Variants in BMS1 observed in about 807,000 individuals in gnomAD.
BMS1 encodes the protein ribosome biogenesis protein BMS1 homolog.
Under a neutral mutation model 138.7 loss-of-function variants are expected in BMS1, and 53 were observed. The ratio of observed to expected loss-of-function variants is 0.38; its 90% confidence interval spans 0.31 to 0.48. BMS1 has a LOEUF of 0.48. Ranked by LOEUF, BMS1 falls within the 20% of genes least tolerant of loss-of-function variation. The pLI, the probability that BMS1 is intolerant of heterozygous loss-of-function variation, is 0.97. For missense variants in BMS1, 1,360 were observed against 1,565.5 expected (o/e 0.87, Z 2.22); for synonymous variants, 504 against 539.9 (o/e 0.93, Z 0.92).
chr10:42,783,562 T>C (rs1217283428), intron 1 of BMS1, among the ~76,000 whole-genome samples: 1 of 141,604 alleles, frequency 7.1e-6, no homozygotes, highest in Non-Finnish European at 1.5e-5. Flanking sequence ...CCTGCTCCGC[T>C]TTTTTTTTTT....
Position 42,831,865 on chromosome 10 carries a change from TTA to T in BMS1, c.*771_*772del, listed in dbSNP as rs916561934. 5.3e-5 allele frequency: 8 copies of T among 152,170 alleles called. No individual in the cohort carries two copies. Among genetic ancestry groups the T allele is most frequent in the African/African-American group, 1.9e-4 (8 of 41,428 alleles). 9.4% of individuals were successfully genotyped at this position (152,170 alleles called of 1,614,324 possible). On this transcript the variant is annotated 3_prime_UTR_variant, in exon 23 of 23. Coordinates refer to ENST00000374518, the MANE Select transcript of BMS1 (RefSeq NM_014753.4). ...ACATTGCCTTTTTTTAAATTAAACA[TTA>T]TGTTGAAGTAATCATACTATTACAT...
chr10:42,793,245 G>A (rs781280516), intron 8 of BMS1, 101 bp downstream of exon 8: 23 of 1,251,830 alleles, frequency 1.8e-5, no homozygotes, highest in Admixed American at 2.6e-5. Context: ...ATTTATTGAA[G>A]ATTTTTCTCT....
Position 42,785,603 on chromosome 10 carries a change from C to A in BMS1, c.298C>A (p.Gln100Lys). The A allele has an allele frequency of 6.2e-7, 1 of 1,613,928 alleles. No individual in the cohort carries two copies. Residue 100 changes from glutamine to lysine, a missense_variant, in exon 3 of 23, where the codon CAA (glutamine) becomes AAA (lysine). Around this residue, in one of 3 missense-constraint regions of BMS1, gnomAD observed 238 missense variants for 311.1 expected, o/e 0.77. Coordinates refer to ENST00000374518, the MANE Select transcript of BMS1 (RefSeq NM_014753.4). ...AAAAGTTGGAAAGAGCACTTTGATA[C>A]AATGCCTCATTCGGAACTTTACCCG... The part of the protein sequence containing the change: ...PPKVGKSTLI[Q>K]CLIRNFTRQK...
rs539072624 is a variant in BMS1 at position 42,833,587 on chromosome 10, A to G, written c.*2491A>G. ...GTAACACAGTGGTAAACATTTGTGTATCGAAACATAGAAAAGGCGTAGCAA... is the reference window on the plus strand; with the variant it reads ...GTAACACAGTGGTAAACATTTGTGTGTCGAAACATAGAAAAGGCGTAGCAA... On this transcript the variant is annotated 3_prime_UTR_variant, in exon 23 of 23. Coordinates refer to ENST00000374518, the MANE Select transcript of BMS1 (RefSeq NM_014753.4). The G allele has an allele frequency of 6.6e-6, 1 of 152,262 alleles. No individual in the cohort carries two copies. The highest frequency in any genetic ancestry group is 1.5e-5 in the Non-Finnish European group (1 of 68,054). The allele number at this position is 152,262 out of a possible 1,614,324, so 9.4% of individuals were successfully genotyped here.
Position 42,818,437 on chromosome 10 carries a change from C to T in BMS1, c.2580+943C>T, listed in dbSNP as rs192763790. ...CAGATCACTCTGCCAAGAGATCAGT[C>T]GGGTGGCACAAACCAGAAGGCTGGC... On this transcript the variant is annotated intron_variant, in intron 15 of 22. Coordinates refer to ENST00000374518, the MANE Select transcript of BMS1 (RefSeq NM_014753.4). Among the ~76,000 whole-genome samples the T allele has an allele frequency of 3.5e-3, 533 of 152,220 alleles. 4 individuals are homozygous for T. The highest frequency in any genetic ancestry group is 9.7e-3 in the South Asian group (47 of 4,826).
At chr10:42,815,216 G>A (rs1431696467) in intron 13 of BMS1, among the ~76,000 whole-genome samples, 2 of 152,190 alleles carry the variant, frequency 1.3e-5, no homozygotes, top group Admixed American at 6.5e-5. Flanking sequence ...TCATTATTCA[G>A]TAGATAATAT....
In BMS1 at chr10:42,830,916, G is replaced by A. The variant is rs139118520; in HGVS notation, c.3669G>A (p.Lys1223=). The A allele has an allele frequency of 3.5e-5, 57 of 1,612,396 alleles. No homozygotes were observed. In the Admixed American group the frequency reaches 4.9e-4, roughly 14 times the overall value. ...ALSTVHSQKM[K]KAKEQRHLHN... is the part of the protein sequence containing the mutation. ...GTACGGTGCATAGTCAGAAGATGAA[G>A]AAGGCCAAGGAGCAGCGGCACCTGC... Residue 1223 remains lysine, a synonymous_variant, in exon 23 of 23, where the codon AAG becomes AAA. Coordinates refer to ENST00000374518, the MANE Select transcript of BMS1 (RefSeq NM_014753.4).
At chr10:42,817,601 GCTT>G (rs1842386094) in intron 15 of BMS1, 107 bp downstream of exon 15, 1 of 1,102,170 alleles carries the variant, frequency 9.1e-7, no homozygotes, top group African/African-American at 1.6e-5. Flanking sequence ...TGTGTATCCT[GCTT>G]CTGTGCCTTT....
chr10:42,789,876 G>C (rs1159471461), intron 4 of BMS1, among the ~76,000 whole-genome samples: 1 of 152,150 alleles, frequency 6.6e-6, no homozygotes, highest in Admixed American at 6.5e-5. Flanking sequence ...TTTAAATTAG[G>C]ATTTCTTAGG....
chr10:42,790,753 G>A (rs977083336), intron 5 of BMS1, among the ~76,000 whole-genome samples: 26 of 152,110 alleles, frequency 1.7e-4, no homozygotes, highest in Admixed American at 1.4e-3. Context: ...AGGAGGCTGA[G>A]AAGTGAGAAT....
intron 12 of BMS1, among the ~76,000 whole-genome samples, chr10:42,801,453 T>A (rs934124984): frequency 1.3e-5 from 2 of 152,252 alleles, no homozygotes; most frequent in African/African-American, 4.8e-5. Flanking sequence ...GCCATTTTAC[T>A]TACCCACTGG....
At chr10:42,795,084 G>A (rs1477370850) in intron 9 of BMS1, among the ~76,000 whole-genome samples, 39 of 142,456 alleles carry the variant, frequency 2.7e-4, no homozygotes, top group Admixed American at 2.1e-3. Flanking sequence ...CCCTACAAAG[G>A]ACATGAACTC....
intron 7 of BMS1, 150 bp downstream of exon 7, chr10:42,792,764 G>T (rs1564411124): frequency 2.2e-6 from 3 of 1,370,652 alleles, no homozygotes; most frequent in East Asian, 4.6e-5. Context: ...GCCTGCAAAG[G>T]TGTTACTGAA....
At chr10:42,817,060 C>G (rs1277377811) in intron 14 of BMS1, among the ~76,000 whole-genome samples, 1 of 152,122 alleles carries the variant, frequency 6.6e-6, no homozygotes, top group East Asian at 1.9e-4. Flanking sequence ...GTGAGGGACA[C>G]GTCTGTTATT....
At chr10:42,798,740 C>T (rs1274642368) in intron 12 of BMS1, 115 bp downstream of exon 12, 5 of 1,401,090 alleles carry the variant, frequency 3.6e-6, no homozygotes, top group African/African-American at 1.4e-5. Context: ...TACAGGATTA[C>T]AGGTCATTCT....
rs546197211 is a variant in BMS1, at chr10:42,807,648, ATTTG to A, written c.2329+5446_2329+5449del. The stretch of plus-strand genomic sequence containing the variant: ...CACCGTGCCTGGCTAATATTTTTTT[ATTTG>A]TTTGTTTGTTTGTTTTGTAGAGACA... On this transcript the variant is annotated intron_variant, in intron 13 of 22. Coordinates refer to ENST00000374518, the MANE Select transcript of BMS1 (RefSeq NM_014753.4). Among the ~76,000 whole-genome samples, 39 of 151,668 alleles carry A rather than the reference ATTTG, an allele frequency of 2.6e-4. 2 individuals carry two copies. The South Asian group carries it at 4.6e-3, about 18-fold the overall frequency.
At chr10:42,827,344 C>A (rs1301391631) in intron 21 of BMS1, among the ~76,000 whole-genome samples, 1 of 152,156 alleles carries the variant, frequency 6.6e-6, no homozygotes, top group Non-Finnish European at 1.5e-5. Flanking sequence ...TCTGTTACAG[C>A]CACACTAAAT....
chr10:42,828,514 G>A (rs1319359570), intron 21 of BMS1, among the ~76,000 whole-genome samples: 1 of 152,058 alleles, frequency 6.6e-6, no homozygotes, highest in African/African-American at 2.4e-5. Flanking sequence ...GGAGGCTTCT[G>A]TGTCGTGTTC....
intron 1 of BMS1, among the ~76,000 whole-genome samples, chr10:42,783,172 C>CA (rs1330406670): frequency 1.3e-5 from 2 of 152,072 alleles, no homozygotes; most frequent in African/African-American, 2.4e-5. Flanking sequence ...AACATTAGTA[C>CA]AAGTGCTGAA....
Sources: allele counts gnomAD v4.1 joint callset (sites outside exome capture counted in the v4.1 genomes callset), GRCh38; gene constraint gnomAD v4.1.1; regional missense constraint gnomAD v4.1.1; transcripts MANE v1.5; gene names NCBI Gene and HGNC (gene_info 2026-07-23, HGNC 2026-07-21).